The following RIN2 variants were observed in gnomAD, a reference collection of about 807,000 sequenced individuals.
RIN2 encodes the protein RAB5 interacting protein 2.
Under a neutral mutation model 78.0 loss-of-function variants are expected in RIN2, and 36 were observed. That is an observed-to-expected ratio of 0.46 (90% CI 0.35 to 0.61). RIN2 has a LOEUF of 0.61. Ranked by LOEUF, RIN2 falls within the 20% of genes least tolerant of loss-of-function variation. The probability of loss-of-function intolerance (pLI) is 0.00; values close to 1 mark genes in which losing one functional copy is unlikely to be tolerated. For synonymous variants in RIN2, 466 were observed against 466.8 expected, an observed-to-expected ratio of 1.00 and a Z score of 0.02; for missense variants, 1,087 against 1,159.7, an observed-to-expected ratio of 0.94 and a Z score of 0.91.
Position 19,977,492 on chromosome 20 carries a change from G to A in RIN2, c.1762+1705G>A, listed in dbSNP as rs77076658. On this transcript the variant is annotated intron_variant, in intron 9 of 12. Coordinates refer to ENST00000255006, the MANE Select transcript of RIN2 (RefSeq NM_018993.4). Reference sequence around the variant, plus strand: ...TTTATGGAGCTTCGAGTATAAGCCCGGCAGCCTGTCCAAGCTATTCCAGTG... The same window carrying A: ...TTTATGGAGCTTCGAGTATAAGCCCAGCAGCCTGTCCAAGCTATTCCAGTG... 1.9e-3 allele frequency among the ~76,000 whole-genome samples: 294 copies of A among 152,252 alleles called. 1 individual carries two copies. The highest frequency in any genetic ancestry group is 6.7e-3 in the African/African-American group (278 of 41,544).
intron 2 of RIN2, among the ~76,000 whole-genome samples, chr20:19,839,398 G>A (rs1342050466): frequency 6.6e-6 from 1 of 152,210 alleles, no homozygotes; most frequent in African/African-American, 2.4e-5. Flanking sequence ...TGTGGCGACT[G>A]AGCAGGACCT....
At chr20:19,952,551 G>A (rs906070386) in intron 4 of RIN2, among the ~76,000 whole-genome samples, 2 of 152,208 alleles carry the variant, frequency 1.3e-5, no homozygotes, top group Admixed American at 6.5e-5. Context: ...AAGGCCCCAT[G>A]AATCTTATTC....
In RIN2 at chr20:19,974,941, T is replaced by TAC. The variant is rs1568686983; in HGVS notation, c.916_917insAC (p.Ser306TyrfsTer42). On this transcript the variant is annotated frameshift_variant, in exon 9 of 13. Coordinates refer to ENST00000255006, the MANE Select transcript of RIN2 (RefSeq NM_018993.4). LOFTEE classifies it high-confidence loss of function. Reference sequence around the variant, plus strand: ...CGCGAATGGCACGGAGCGGACTCGGTCCCCCCCACCCAGGCCCCCGCCACC... The same window carrying TAC: ...CGCGAATGGCACGGAGCGGACTCGGTACCCCCCCCACCCAGGCCCCCGCCACC... 35 of 1,571,118 alleles carry TAC rather than the reference T, an allele frequency of 2.2e-5. No individual in the cohort carries two copies. Among genetic ancestry groups the TAC allele is most frequent in the Non-Finnish European group, 3.0e-5 (34 of 1,143,966 alleles).
intron 1 of RIN2, among the ~76,000 whole-genome samples, chr20:19,764,918 G>GTTTTTTGTTTTTTTTTTTTTT (rs2033806296): frequency 4.0e-5 from 2 of 50,362 alleles, no homozygotes; most frequent in African/African-American, 6.5e-5. Flanking sequence ...CACTTTCTGC[G>GTTTTTTGTTTTTTTTTTTTTT]TTTTTTTTTT....
At chr20:19,833,322 G>A (rs1015958435) in intron 2 of RIN2, among the ~76,000 whole-genome samples, 31 of 148,860 alleles carry the variant, frequency 2.1e-4, no homozygotes, top group Admixed American at 2.0e-4. Context: ...CAGGATGCAC[G>A]TGCAGAACAT....
Position 19,974,819 on chromosome 20 carries a change from C to T in RIN2, c.794C>T (p.Thr265Ile), listed in dbSNP as rs1243784058. 6.2e-7 allele frequency: 1 copy of T among 1,613,996 alleles called. No homozygotes were observed. Among genetic ancestry groups the T allele is most frequent in the Non-Finnish European group, 8.5e-7 (1 of 1,179,892 alleles). Residue 265 changes from threonine (T) to isoleucine (I), a missense_variant, in exon 9 of 13, where the codon ACC becomes ATC. Thr to Ile is a moderately conservative substitution (Grantham distance 89, BLOSUM62 -1). Coordinates refer to ENST00000255006, the MANE Select transcript of RIN2 (RefSeq NM_018993.4). ...CCTTCAGAGCTGGAGTGCAGCCAGA[C>T]CAACGGGGCCCTGTGCTTTATTAAT... is the stretch of plus-strand genomic sequence containing the variant. ...RTPSELECSQ[T>I]NGALCFINPL...
intron 2 of RIN2, among the ~76,000 whole-genome samples, chr20:19,824,586 G>C (rs2036028276): frequency 6.6e-6 from 1 of 151,976 alleles, no homozygotes; most frequent in Non-Finnish European, 1.5e-5. Flanking sequence ...CCTAAAGGGG[G>C]CTTCCAGAAT....
chr20:19,986,044 GT>G (rs999074912), intron 9 of RIN2, among the ~76,000 whole-genome samples: 2 of 152,090 alleles, frequency 1.3e-5, no homozygotes, highest in Non-Finnish European at 1.5e-5. Flanking sequence ...AAAAGGTTTT[GT>G]TTTTTTGTCC....
chr20:19,968,538 C>T (rs750171628), intron 7 of RIN2, among the ~76,000 whole-genome samples: 6 of 152,112 alleles, frequency 3.9e-5, no homozygotes, highest in Middle Eastern at 3.4e-3. Context: ...CAGTGGGAGA[C>T]GATGCATATA....
intron 2 of RIN2, among the ~76,000 whole-genome samples, chr20:19,859,357 TATTA>T (rs1272901032): frequency 6.6e-6 from 1 of 152,214 alleles, no homozygotes; most frequent in African/African-American, 2.4e-5. Flanking sequence ...CTCTACCACT[TATTA>T]ATTGTGTAAC....
intron 9 of RIN2, among the ~76,000 whole-genome samples, chr20:19,987,194 A>G (rs78360029): frequency 0.048 from 7,267 of 152,274 alleles, 238 homozygotes; most frequent in Non-Finnish European, 0.073. Flanking sequence ...AATATATCCA[A>G]TGTATTCATT....
intron 2 of RIN2, among the ~76,000 whole-genome samples, chr20:19,847,523 AC>A (rs1163544239): frequency 2.0e-5 from 3 of 152,136 alleles, no homozygotes; most frequent in Non-Finnish European, 2.9e-5. Flanking sequence ...GCTTCCGGAG[AC>A]CCAGAGGGGG....
At chr20:19,956,587 C>G (rs766417255) in intron 4 of RIN2, 28 bp from the exon 5 acceptor site, 1 of 1,604,878 alleles carries the variant, frequency 6.2e-7, no homozygotes, top group African/African-American at 1.3e-5. Flanking sequence ...CTGCAGCCAG[C>G]TGACCGTGCC....
At chr20:19,909,164 T>C (rs1367079547) in intron 3 of RIN2, among the ~76,000 whole-genome samples, 1 of 152,100 alleles carries the variant, frequency 6.6e-6, no homozygotes, top group East Asian at 1.9e-4. Flanking sequence ...GCGCCCAGTC[T>C]GCTCTTCAGT....
In RIN2 at chr20:19,950,244, G is replaced by A. The variant is rs560129347; in HGVS notation, c.159-6371G>A. The stretch of plus-strand genomic sequence containing the variant: ...CCCCTAGAGGCACCTTATACTTTGC[G>A]GGCCATTCTATGGTTTGCCCATTGT... On this transcript the variant is annotated intron_variant, in intron 4 of 12. Coordinates refer to ENST00000255006, the MANE Select transcript of RIN2 (RefSeq NM_018993.4). 9.2e-5 allele frequency among the ~76,000 whole-genome samples: 14 copies of A among 152,202 alleles called. No homozygotes were observed. In the South Asian group the frequency reaches 2.9e-3, roughly 32 times the overall value.
chr20:19,834,502 G>A (rs1026141742), intron 2 of RIN2, among the ~76,000 whole-genome samples: 4 of 152,094 alleles, frequency 2.6e-5, no homozygotes, highest in Admixed American at 6.5e-5. Flanking sequence ...CCAGTGCGAC[G>A]CTCTGGTTCC....
chr20:19,846,070 C>T (rs1447640440), intron 2 of RIN2, among the ~76,000 whole-genome samples: 1 of 152,144 alleles, frequency 6.6e-6, no homozygotes, highest in African/African-American at 2.4e-5. Flanking sequence ...GGGCTCTGTT[C>T]TGTTCCATTG....
chr20:19,891,552 T>G (rs540260018), intron 3 of RIN2, among the ~76,000 whole-genome samples: 7 of 152,124 alleles, frequency 4.6e-5, no homozygotes, highest in Admixed American at 6.6e-5. Flanking sequence ...GCCATGGTGC[T>G]TCATGCCTGT....
In RIN2 at chr20:19,844,665, T is replaced by C. The variant is rs1568807606; in HGVS notation, c.-36-44901T>C. Among the ~76,000 whole-genome samples, 4 of 136,026 alleles carry C rather than the reference T, an allele frequency of 2.9e-5. 1 individual carries two copies. The highest frequency in any genetic ancestry group is 1.2e-4 in the African/African-American group (4 of 34,380). 89.2% of individuals were successfully genotyped at this position (136,026 alleles called of 152,430 possible). ...TTCTTCTTCTTCTTCTTCTTCTTCT[T>C]CTTCCTTCTTCTTCTTCTTCCTCTT... On this transcript the variant is annotated intron_variant, in intron 2 of 12. Transcript: ENST00000255006.
Sources: allele counts gnomAD v4.1 joint callset (sites outside exome capture counted in the v4.1 genomes callset), GRCh38; gene constraint gnomAD v4.1.1; transcripts MANE v1.5; gene names NCBI Gene and HGNC (gene_info 2026-07-23, HGNC 2026-07-21).